Variants in SH3PXD2A observed in about 807,000 individuals in gnomAD.
SH3PXD2A encodes SH3 and PX domains 2A, also known as SH3 and PX domain-containing protein 2A.
Under a neutral mutation model 115.2 loss-of-function variants are expected in SH3PXD2A, and 32 were observed. That is an observed-to-expected ratio of 0.28 (90% CI 0.21 to 0.37). The LOEUF (loss-of-function observed/expected upper bound fraction) is 0.37. SH3PXD2A is among the 10% of genes least tolerant of loss of function. The pLI is 1.00. For synonymous variants in SH3PXD2A, 610 were observed against 629.1 expected (o/e 0.97, Z 0.45); for missense variants, 1,328 against 1,498.7 (o/e 0.89, Z 1.88).
At chr10:103,833,502 T>C (rs955608147) in intron 1 of SH3PXD2A, among the ~76,000 whole-genome samples, 1 of 152,048 alleles carries the variant, frequency 6.6e-6, no homozygotes, top group Non-Finnish European at 1.5e-5. Context: ...TATTTATATA[T>C]GGATGTTTAG....
At chr10:103,706,216 C>T (rs1046148106) in intron 5 of SH3PXD2A, among the ~76,000 whole-genome samples, 1 of 152,138 alleles carries the variant, frequency 6.6e-6, no homozygotes, top group African/African-American at 2.4e-5. Context: ...TGGAGCATCC[C>T]CTCTAGAGCA....
intron 10 of SH3PXD2A, among the ~76,000 whole-genome samples, chr10:103,621,527 G>C (rs2036603457): frequency 1.3e-5 from 2 of 152,184 alleles, no homozygotes; most frequent in South Asian, 4.1e-4. Flanking sequence ...CAGTCATTTA[G>C]AACCAAGCTG....
At chr10:103,636,821 C>T (rs2036873812) in intron 8 of SH3PXD2A, among the ~76,000 whole-genome samples, 1 of 152,196 alleles carries the variant, frequency 6.6e-6, no homozygotes. Flanking sequence ...GACTCCCAAA[C>T]CTCCCAGCCC....
chr10:103,684,722 A>G (rs2037653848), intron 6 of SH3PXD2A, among the ~76,000 whole-genome samples: 1 of 151,916 alleles, frequency 6.6e-6, no homozygotes, highest in African/African-American at 2.4e-5. Context: ...TTTATTAAAA[A>G]CCAAACTCAT....
chr10:103,640,836 A>G (rs986613128), intron 8 of SH3PXD2A, among the ~76,000 whole-genome samples: 1 of 152,158 alleles, frequency 6.6e-6, no homozygotes, highest in African/African-American at 2.4e-5. Context: ...TGAGTGAGCT[A>G]CTGGACTGGT....
rs956398858 is a variant in SH3PXD2A, at chr10:103,756,192, G to T, written c.229+10902C>A. 1.3e-5 allele frequency among the ~76,000 whole-genome samples: 2 copies of T among 152,148 alleles called. No individual in the cohort carries two copies. Among genetic ancestry groups the T allele is most frequent in the Non-Finnish European group, 2.9e-5 (2 of 68,034 alleles). On this transcript the variant is annotated intron_variant, in intron 3 of 14. Transcript: ENST00000369774. This position sits in a 1 kb window ranked among gnomAD's most constrained non-coding sequence, Gnocchi z 4.4. ...GCGCCCAGAACGATGGATCTGCTGG[G>T]TGCCAGGCAGCCCTGGATGAATGAT...
chr10:103,762,149 G>A (rs2038707856), intron 3 of SH3PXD2A, among the ~76,000 whole-genome samples: 1 of 149,976 alleles, frequency 6.7e-6, no homozygotes, highest in Admixed American at 6.8e-5. Context: ...AGTCTCCCAA[G>A]TAGCTGGGAC....
chr10:103,778,571 A>T (rs2038902395), intron 2 of SH3PXD2A, among the ~76,000 whole-genome samples: 1 of 152,240 alleles, frequency 6.6e-6, no homozygotes, highest in South Asian at 2.1e-4. Context: ...GTAAAATGGG[A>T]GTAGAAACAG....
intron 1 of SH3PXD2A, among the ~76,000 whole-genome samples, chr10:103,806,313 G>A (rs887577694): frequency 4.6e-5 from 7 of 151,922 alleles, no homozygotes; most frequent in African/African-American, 9.7e-5. Flanking sequence ...CCTCTCTCTC[G>A]TCTGCTTTCT....
chr10:103,782,098 T>A (rs958216721), intron 2 of SH3PXD2A, among the ~76,000 whole-genome samples: 13 of 152,166 alleles, frequency 8.5e-5, no homozygotes, highest in Non-Finnish European at 4.4e-5. Flanking sequence ...CGAAGGGCTA[T>A]GACCTAACAA....
In SH3PXD2A at chr10:103,855,270, C is replaced by A; in HGVS notation, c.-4G>T. On this transcript the variant is annotated 5_prime_UTR_variant, in exon 1 of 15. Transcript: ENST00000369774. ...CCTGCACGCAGTAGGCGAGCATCTT[C>A]CCCCACAAAGCGAGTGGCGCCCCCG... 6.6e-7 allele frequency: 1 copy of A among 1,509,286 alleles called. No homozygotes were observed. Among genetic ancestry groups the A allele is most frequent in the Non-Finnish European group, 8.9e-7 (1 of 1,126,218 alleles). 93.5% of individuals were successfully genotyped at this position (1,509,286 alleles called of 1,614,324 possible). A position where few individuals can be genotyped will look rare whatever the true frequency, so the allele number is the denominator to read the frequency against.
chr10:103,661,626 C>A lies in SH3PXD2A; in HGVS notation c.473-512G>T, dbSNP rs1277685181. 6.1e-6 allele frequency: 6 copies of A among 982,284 alleles called. No homozygotes were observed. The South Asian group carries it at 2.8e-4, about 46-fold the overall frequency. The allele number at this position is 982,284 out of a possible 1,614,324, so 60.8% of individuals were successfully genotyped here. ...AGGAGGCTCCAGCCTCTGCCCCCAA[C>A]CCCTGCAAACCCGAGAGAAAAGGCA... On this transcript the variant is annotated intron_variant, in intron 7 of 14. Transcript: ENST00000369774.
chr10:103,627,168 G>C lies in SH3PXD2A; in HGVS notation c.639C>G (p.Gly213=), dbSNP rs780460390. 1.4e-5 allele frequency: 22 copies of C among 1,612,642 alleles called. No homozygotes were observed. The Admixed American group carries it at 3.7e-4, about 27-fold the overall frequency. Residue 213 remains glycine, a synonymous_variant, in exon 9 of 15, where the codon GGC becomes GGG. Coordinates refer to ENST00000369774, the MANE Select transcript of SH3PXD2A (RefSeq NM_001394015.1). The surrounding 1 kb of genome is among the most constrained non-coding windows in gnomAD (Gnocchi z 4.4). ...WWFVSTSEEQ[G]WVPATYLEAQ... Reference sequence around the variant, plus strand: ...CCTCCAGGTAGGTGGCAGGGACCCAGCCCTGCTCCTCAGAAGTGCTCACGA... The same window carrying C: ...CCTCCAGGTAGGTGGCAGGGACCCACCCCTGCTCCTCAGAAGTGCTCACGA...
At chr10:103,833,881 G>T (rs2039505020) in intron 1 of SH3PXD2A, among the ~76,000 whole-genome samples, 1 of 152,210 alleles carries the variant, frequency 6.6e-6, no homozygotes, top group Admixed American at 6.5e-5. Context: ...CCAGAACTTG[G>T]TAAGAGGGCT....
intron 2 of SH3PXD2A, among the ~76,000 whole-genome samples, chr10:103,767,810 GTTTTTTT>G (rs34903223): frequency 7.4e-5 from 5 of 67,742 alleles, no homozygotes; most frequent in Admixed American, 6.3e-4. Context: ...CAACTGTTTT[GTTTTTTT>G]TTTTTTTTTT....
chr10:103,627,230 C>T lies in SH3PXD2A; in HGVS notation c.605-28G>A. On this transcript the variant is annotated intron_variant, in intron 8 of 14. Transcript: ENST00000369774. The surrounding 1 kb of genome is among the most constrained non-coding windows in gnomAD (Gnocchi z 4.4). ...GCAGGGAGGACAAGAGAGAACAGGA[C>T]TGTGAGATTCTGCAGGGTGGCAGGG... 1 of 1,373,388 alleles carries T rather than the reference C, an allele frequency of 7.3e-7. No homozygotes were observed. Among genetic ancestry groups the T allele is most frequent in the Non-Finnish European group, 1.0e-6 (1 of 962,726 alleles). 85.1% of individuals were successfully genotyped at this position (1,373,388 alleles called of 1,614,324 possible). A position where few individuals can be genotyped will look rare whatever the true frequency, so the allele number is the denominator to read the frequency against.
chr10:103,743,942 G>C (rs1449861157), intron 3 of SH3PXD2A, among the ~76,000 whole-genome samples: 1 of 152,224 alleles, frequency 6.6e-6, no homozygotes. Context: ...CTAGGGAAGA[G>C]AGCATAGAGC....
intron 8 of SH3PXD2A, among the ~76,000 whole-genome samples, chr10:103,633,079 C>T (rs1407418028): frequency 6.6e-6 from 1 of 152,224 alleles, no homozygotes; most frequent in Non-Finnish European, 1.5e-5. Flanking sequence ...CCCCACTCTG[C>T]ACATGCTAGA....
intron 8 of SH3PXD2A, among the ~76,000 whole-genome samples, chr10:103,631,042 T>C (rs1055307259): frequency 4.6e-5 from 7 of 152,160 alleles, no homozygotes; most frequent in South Asian, 2.1e-4. Flanking sequence ...GTTTAACTTA[T>C]ACATTTAAGG....
Sources: allele counts gnomAD v4.1 joint callset (sites outside exome capture counted in the v4.1 genomes callset), GRCh38; gene constraint gnomAD v4.1.1; non-coding constraint Gnocchi (gnomAD v3.1); transcripts MANE v1.5; gene names NCBI Gene and HGNC (gene_info 2026-07-23, HGNC 2026-07-21).